The following CALN1 variants were observed in gnomAD, a reference collection of about 807,000 sequenced individuals.
The protein encoded by CALN1 is calneuron 1.
Under a neutral mutation model 30.6 loss-of-function variants are expected in CALN1, and 17 were observed. The ratio of observed to expected loss-of-function variants is 0.56; its 90% CI spans 0.38 to 0.83. The LOEUF is 0.83. CALN1 is among the 40% of genes least tolerant of loss of function. CALN1 has a pLI of 0.00. For missense variants in CALN1, 291 were observed against 354.9 expected, an observed-to-expected ratio of 0.82 and a Z score of 1.45; for synonymous variants, 156 against 131.4, an observed-to-expected ratio of 1.19 and a Z score of -1.28.
chr7:72,016,445 A>ATTG (rs1367026773), intron 5 of CALN1, among the ~76,000 whole-genome samples: 6 of 151,406 alleles, frequency 4.0e-5, no homozygotes, highest in Admixed American at 2.6e-4. Flanking sequence ...TATTATTATT[A>ATTG]TTATTTTTTG....
rs1554337553 is a variant in CALN1 at position 72,249,959 on chromosome 7, A to AAG, written c.244+28725_244+28726dup. Among the ~76,000 whole-genome samples the AAG allele has an allele frequency of 4.5e-3, 663 of 147,700 alleles. 4 individuals carry two copies. Among genetic ancestry groups the AAG allele is most frequent in the African/African-American group, 0.015 (610 of 39,994 alleles). ...CTCAAAACAAACCAAAAAAAAAAAAAAGAGAGAGAGAGAGAGAGAGAAATA... is the reference window on the plus strand; with the variant it reads ...CTCAAAACAAACCAAAAAAAAAAAAAAGAGAGAGAGAGAGAGAGAGAGAAATA... On this transcript the variant is annotated intron_variant, in intron 3 of 6. Coordinates refer to ENST00000395275, the MANE Select transcript of CALN1 (RefSeq NM_031468.4).
At chr7:72,310,907 T>TAAAAAAAAAAAAAAAA (rs5884884) in intron 2 of CALN1, among the ~76,000 whole-genome samples, 1 of 113,732 alleles carries the variant, frequency 8.8e-6, no homozygotes, top group African/African-American at 3.1e-5. Flanking sequence ...GACTCCGTCT[T>TAAAAAAAAAAAAAAAA]AAAAAAAAAA....
chr7:71,813,274 G>A (rs778748834), intron 5 of CALN1, among the ~76,000 whole-genome samples: 1 of 152,072 alleles, frequency 6.6e-6, no homozygotes, highest in South Asian at 2.1e-4. Context: ...CGAACTCCTG[G>A]CCTCAAGCAA....
chr7:72,362,112 T>C (rs1044279038), intron 2 of CALN1, among the ~76,000 whole-genome samples: 5 of 152,210 alleles, frequency 3.3e-5, no homozygotes, highest in African/African-American at 1.2e-4. Context: ...ATTAACAGAA[T>C]ACAGTATATG....
In CALN1 at chr7:72,332,651, G is replaced by C. The variant is rs541611899; in HGVS notation, c.120-53841C>G. ...AGATCCCCTGGACTGCCTAATGCCT[G>C]AGTATTCCATGCCTGGTTCTTCAGG... is the stretch of plus-strand genomic sequence containing the variant. On this transcript the variant is annotated intron_variant, in intron 2 of 6. Coordinates refer to ENST00000395275, the MANE Select transcript of CALN1 (RefSeq NM_031468.4). 1.2e-4 allele frequency among the ~76,000 whole-genome samples: 19 copies of C among 152,242 alleles called. No homozygotes were observed. The South Asian group carries it at 4.0e-3, about 32-fold the overall frequency.
intron 3 of CALN1, among the ~76,000 whole-genome samples, chr7:72,111,793 C>G (rs1362433257): frequency 6.6e-6 from 1 of 151,682 alleles, no homozygotes; most frequent in Non-Finnish European, 1.5e-5. Flanking sequence ...CTCTGTCACC[C>G]AGGCTGGAGT....
chr7:71,946,365 T>C (rs1796404951), intron 5 of CALN1, among the ~76,000 whole-genome samples: 1 of 139,144 alleles, frequency 7.2e-6, no homozygotes, highest in South Asian at 2.3e-4. Flanking sequence ...ATTTCTTTCT[T>C]TCTTTTTTTT....
chr7:72,400,109 C>G (rs1806237691), intron 2 of CALN1, among the ~76,000 whole-genome samples: 1 of 152,120 alleles, frequency 6.6e-6, no homozygotes, highest in Non-Finnish European at 1.5e-5. Flanking sequence ...TACCCAATCT[C>G]AGGTATTCCT....
chr7:72,123,613 G>T (rs6969926), intron 3 of CALN1, among the ~76,000 whole-genome samples: 1 of 151,996 alleles, frequency 6.6e-6, no homozygotes, highest in African/African-American at 2.4e-5. Flanking sequence ...ACTGGCTCAC[G>T]GAAGCTCAGG....
At chr7:72,143,289 T>A (rs984960813) in intron 3 of CALN1, among the ~76,000 whole-genome samples, 1 of 152,162 alleles carries the variant, frequency 6.6e-6, no homozygotes, top group African/African-American at 2.4e-5. Flanking sequence ...AAGGACCTGA[T>A]GGAGCTGAAA....
intron 2 of CALN1, among the ~76,000 whole-genome samples, chr7:72,331,960 T>C (rs749492395): frequency 1.2e-4 from 19 of 152,212 alleles, no homozygotes; most frequent in Non-Finnish European, 2.4e-4. Context: ...CAGTATTTGA[T>C]TTTCAGTTCC....
At chr7:72,044,119 C>G (rs1802308828) in intron 4 of CALN1, among the ~76,000 whole-genome samples, 1 of 152,066 alleles carries the variant, frequency 6.6e-6, no homozygotes. Context: ...GGGACACAAC[C>G]AAACCACATC....
intron 4 of CALN1, among the ~76,000 whole-genome samples, chr7:72,033,625 A>G (rs570439267): frequency 1.9e-4 from 29 of 152,072 alleles, no homozygotes; most frequent in Admixed American, 1.1e-3. Flanking sequence ...GAGTGGCCTG[A>G]GCAATGGTGA....
chr7:71,797,503 A>T (rs987010826), intron 6 of CALN1, among the ~76,000 whole-genome samples: 3 of 152,178 alleles, frequency 2.0e-5, no homozygotes, highest in African/African-American at 7.2e-5. Context: ...TCAAAGGAAG[A>T]GCTGGAGGAT....
intron 2 of CALN1, among the ~76,000 whole-genome samples, chr7:72,383,455 G>A (rs531856450): frequency 6.6e-6 from 1 of 152,210 alleles, no homozygotes; most frequent in South Asian, 2.1e-4. Flanking sequence ...AGTGTGAGGA[G>A]GTATCTCATT....
At chr7:72,296,062 T>A (rs1415887090) in intron 2 of CALN1, among the ~76,000 whole-genome samples, 1 of 152,186 alleles carries the variant, frequency 6.6e-6, no homozygotes, top group Admixed American at 6.5e-5. Flanking sequence ...TACTGAGAGT[T>A]TTTAGCATGA....
At position 72,324,057 on chromosome 7, in the gene CALN1, G is replaced by C. The variant is rs187437386; in HGVS notation, c.120-45247C>G. Among the ~76,000 whole-genome samples the C allele has an allele frequency of 1.9e-3, 282 of 152,098 alleles. 1 individual carries two copies. The highest frequency in any genetic ancestry group is 6.0e-3 in the African/African-American group (249 of 41,522). On this transcript the variant is annotated intron_variant, in intron 2 of 6. Transcript: ENST00000395275. ...GTTTTGTTTTGTTTTTTTAAATGCAGTTCAACAAGATCCCCTGGTTGGCAC... is the reference window on the plus strand; with the variant it reads ...GTTTTGTTTTGTTTTTTTAAATGCACTTCAACAAGATCCCCTGGTTGGCAC...
At chr7:72,304,937 G>A (rs892568500) in intron 2 of CALN1, among the ~76,000 whole-genome samples, 1 of 152,208 alleles carries the variant, frequency 6.6e-6, no homozygotes, top group African/African-American at 2.4e-5. Context: ...TTTTACAAAT[G>A]AAAGAGCCTG....
intron 3 of CALN1, among the ~76,000 whole-genome samples, chr7:72,180,796 G>T (rs1585105580): frequency 6.6e-6 from 1 of 151,244 alleles, no homozygotes; most frequent in African/African-American, 2.4e-5. Context: ...GCCAATCTTT[G>T]GAGTAAAGAT....
Sources: allele counts gnomAD v4.1 joint callset (sites outside exome capture counted in the v4.1 genomes callset), GRCh38; gene constraint gnomAD v4.1.1; transcripts MANE v1.5; gene names NCBI Gene and HGNC (gene_info 2026-07-23, HGNC 2026-07-21).